Variants in STEAP1 observed in about 807,000 individuals in gnomAD.
STEAP1 encodes the protein STEAP1 protein.
In STEAP1, 30 loss-of-function variants were observed where a neutral mutation model predicts 34.4. That is an observed-to-expected ratio of 0.87 (90% CI 0.65 to 1.18). The LOEUF is 1.18. Among genes scored for constraint, STEAP1 ranks in the 50% most tolerant of loss-of-function variants. The pLI is 0.00. For synonymous variants in STEAP1, 116 were observed against 135.3 expected (o/e 0.86, Z 0.99); for missense variants, 318 against 391.1 (o/e 0.81, Z 1.58).
chr7:90,156,440 G>A (rs1386246347), intron 1 of STEAP1, among the ~76,000 whole-genome samples: 1 of 152,150 alleles, frequency 6.6e-6, no homozygotes, highest in African/African-American at 2.4e-5. Context: ...TTAGTGCAGG[G>A]GTACCCAACC....
chr7:90,162,551 T>C (rs753974249), intron 4 of STEAP1, among the ~76,000 whole-genome samples: 1 of 151,892 alleles, frequency 6.6e-6, no homozygotes, highest in Admixed American at 6.6e-5. Context: ...CTGGTCTCGA[T>C]CTCCTGACCT....
At chr7:90,156,347 G>A (rs1794119048) in intron 1 of STEAP1, among the ~76,000 whole-genome samples, 1 of 152,184 alleles carries the variant, frequency 6.6e-6, no homozygotes, top group East Asian at 1.9e-4. Context: ...CAGTGAGGGA[G>A]CTGGGGTCTG....
At chr7:90,158,840 C>A (rs554586327) in intron 1 of STEAP1, among the ~76,000 whole-genome samples, 1 of 152,314 alleles carries the variant, frequency 6.6e-6, no homozygotes, top group Non-Finnish European at 1.5e-5. Flanking sequence ...TGACACATCA[C>A]TGTATTTTAA....
chr7:90,162,720 T>TA (rs968204580), intron 4 of STEAP1, among the ~76,000 whole-genome samples: 6 of 151,958 alleles, frequency 3.9e-5, no homozygotes, highest in Non-Finnish European at 7.4e-5. Flanking sequence ...TATTATTTCT[T>TA]AAAAAAAATA....
In STEAP1 at chr7:90,160,868, G is replaced by A; in HGVS notation, c.148G>A (p.Ala50Thr). ...TGTGCTTTTGCATTTGCACCAAACA[G>A]CCCATGCTGATGAATTTGACTGCCC... ...RPVLLHLHQT[A>T]HADEFDCPSE... The change falls in exon 3 of 5, where the codon GCC (alanine) becomes ACC (threonine). Residue 50 changes from alanine to threonine, a missense_variant. By Grantham distance (58) the Ala-to-Thr change is moderately conservative. Transcript: ENST00000297205. 6.2e-7 allele frequency: 1 copy of A among 1,614,002 alleles called. No homozygotes were observed. Among genetic ancestry groups the A allele is most frequent in the Non-Finnish European group, 8.5e-7 (1 of 1,179,856 alleles).
Position 90,160,933 on chromosome 7 carries a change from G to C in STEAP1, c.213G>C (p.Trp71Cys). The change falls in exon 3 of 5, where the codon TGG becomes TGC. Residue 71 changes from tryptophan (W) to cysteine (C), a missense_variant. Transcript: ENST00000297205. The stretch of plus-strand genomic sequence containing the variant: ...ACACACAGGAACTCTTTCCACAGTG[G>C]CACTTGCCAATTAAAATAGCTGCTA... ...LQHTQELFPQ[W>C]HLPIKIAAII... 1 of 1,613,994 alleles carries C rather than the reference G, an allele frequency of 6.2e-7. No homozygotes were observed. The highest frequency in any genetic ancestry group is 1.1e-5 in the South Asian group (1 of 91,078).
rs562021971 is a variant in STEAP1 at position 90,163,015 on chromosome 7, T to A, written c.762+937T>A. On this transcript the variant is annotated intron_variant, in intron 4 of 4. Coordinates refer to ENST00000297205, the MANE Select transcript of STEAP1 (RefSeq NM_012449.3). ...GTGATGTGCCAGAATCACTCTGGGA[T>A]CCTTGTCTGACAAGATTCAAAGGAC... 2.5e-4 allele frequency: 111 copies of A among 435,576 alleles called. 2 individuals are homozygous for A. The highest frequency in any genetic ancestry group is 1.8e-3 in the South Asian group (110 of 60,046). The allele number at this position is 435,576 out of a possible 1,614,324, so 27.0% of individuals were successfully genotyped here.
chr7:90,161,946 G>C lies in STEAP1; in HGVS notation c.630G>C (p.Glu210Asp). The stretch of plus-strand genomic sequence containing the variant: ...AAAATAAAGAAGATGCCTGGATTGA[G>C]CATGATGTTTGGAGAATGGAGATTT... ...VQQNKEDAWI[E>D]HDVWRMEIYV... Residue 210 changes from glutamate to aspartate, a missense_variant, in exon 4 of 5, where the codon GAG (glutamate) becomes GAC (aspartate). Glu to Asp is a conservative substitution (Grantham distance 45, BLOSUM62 2). Coordinates refer to ENST00000297205, the MANE Select transcript of STEAP1 (RefSeq NM_012449.3). 1 of 1,613,174 alleles carries C rather than the reference G, an allele frequency of 6.2e-7. No homozygotes were observed. Among genetic ancestry groups the C allele is most frequent in the Non-Finnish European group, 8.5e-7 (1 of 1,179,652 alleles).
intron 1 of STEAP1, among the ~76,000 whole-genome samples, chr7:90,158,511 G>A (rs372201154): frequency 1.3e-5 from 2 of 151,642 alleles, no homozygotes; most frequent in East Asian, 3.9e-4. Flanking sequence ...ATTAGCCCAG[G>A]CCTACCCAGG....
chr7:90,159,698 C>T, intron 1 of STEAP1, 60 bp from the exon 2 acceptor site: 1 of 933,980 alleles, frequency 1.1e-6, no homozygotes, highest in African/African-American at 1.7e-5. Flanking sequence ...TATATTGTTA[C>T]ATCAAACATT....
intron 1 of STEAP1, among the ~76,000 whole-genome samples, chr7:90,156,706 C>A (rs1219073777): frequency 6.6e-6 from 1 of 152,180 alleles, no homozygotes; most frequent in Non-Finnish European, 1.5e-5. Context: ...AACCCTATCC[C>A]CCTTCCCCTA....
chr7:90,155,844 T>C (rs1794111370), intron 1 of STEAP1, among the ~76,000 whole-genome samples: 1 of 152,154 alleles, frequency 6.6e-6, no homozygotes, highest in Admixed American at 6.5e-5. Flanking sequence ...ACTCCGTTTG[T>C]AGTGGCCATC....
intron 4 of STEAP1, among the ~76,000 whole-genome samples, chr7:90,163,542 A>C (rs1238410668): frequency 1.3e-5 from 2 of 152,252 alleles, no homozygotes; most frequent in Non-Finnish European, 2.9e-5. Context: ...AGAACTGGTT[A>C]CACTACAAGT....
chr7:90,159,979 T>G, intron 2 of STEAP1, 107 bp downstream of exon 2: 4 of 689,288 alleles, frequency 5.8e-6, no homozygotes, highest in Non-Finnish European at 8.3e-6. Context: ...TTCACCCTAG[T>G]CTGCTGATAT....
chr7:90,154,906 C>T (rs1249044420), intron 1 of STEAP1, among the ~76,000 whole-genome samples: 5 of 152,226 alleles, frequency 3.3e-5, no homozygotes, highest in African/African-American at 9.6e-5. Context: ...GTTTGCTGTG[C>T]ATTGACGAAT....
At chr7:90,160,097 G>T (rs1444617912) in intron 2 of STEAP1, among the ~76,000 whole-genome samples, 1 of 151,848 alleles carries the variant, frequency 6.6e-6, no homozygotes, top group Non-Finnish European at 1.5e-5. Context: ...CCTTGAATAA[G>T]TTACTGAAAA....
At chr7:90,159,329 C>A (rs1283043664) in intron 1 of STEAP1, among the ~76,000 whole-genome samples, 1 of 152,182 alleles carries the variant, frequency 6.6e-6, no homozygotes, top group South Asian at 2.1e-4. Context: ...CCCCAAAATT[C>A]TGTTAAACAT....
At chr7:90,156,046 G>A (rs558056420) in intron 1 of STEAP1, among the ~76,000 whole-genome samples, 1 of 152,194 alleles carries the variant, frequency 6.6e-6, no homozygotes, top group Non-Finnish European at 1.5e-5. Context: ...TTTCAGAGCA[G>A]AGGCTTTATC....
chr7:90,156,888 G>C (rs1190790176), intron 1 of STEAP1, among the ~76,000 whole-genome samples: 1 of 152,168 alleles, frequency 6.6e-6, no homozygotes, highest in Non-Finnish European at 1.5e-5. Context: ...ATGGAACCAT[G>C]AGCCAATTAA....
Sources: allele counts gnomAD v4.1 joint callset (sites outside exome capture counted in the v4.1 genomes callset), GRCh38; gene constraint gnomAD v4.1.1; transcripts MANE v1.5; gene names NCBI Gene and HGNC (gene_info 2026-07-23, HGNC 2026-07-21).